The following FGD5 variants were observed in gnomAD, a reference collection of about 807,000 sequenced individuals.
FGD5 encodes the protein FYVE, RhoGEF and PH domain containing 5.
In FGD5, 28 loss-of-function variants were observed where a neutral mutation model predicts 133.4. The observed-to-expected ratio is 0.21, with a 90% CI of 0.16 to 0.29. The LOEUF is 0.29. Ranked by LOEUF, FGD5 falls within the 10% of genes least tolerant of loss-of-function variation. The pLI is 1.00. For synonymous variants in FGD5, 810 were observed against 776.5 expected (o/e 1.04, Z -0.72); for missense variants, 1,858 against 1,895.2 (o/e 0.98, Z 0.36).
At chr3:14,867,475 G>A (rs76439817) in intron 2 of FGD5, among the ~76,000 whole-genome samples, 14,174 of 152,168 alleles carry the variant, frequency 0.093, 821 homozygotes, top group East Asian at 0.3. Context: ...CACATAAAAG[G>A]TTTTCTGAAG....
intron 1 of FGD5, among the ~76,000 whole-genome samples, chr3:14,824,174 C>T (rs1295883169): frequency 6.6e-6 from 1 of 152,232 alleles, no homozygotes; most frequent in Non-Finnish European, 1.5e-5. Flanking sequence ...AGCTTTCTTC[C>T]GCTTTCCTAC....
chr3:14,902,568 G>A (rs746322611), intron 9 of FGD5, among the ~76,000 whole-genome samples: 2 of 152,138 alleles, frequency 1.3e-5, no homozygotes, highest in Non-Finnish European at 2.9e-5. Context: ...GAATACACAG[G>A]CCAGTTTCCG....
intron 1 of FGD5, among the ~76,000 whole-genome samples, chr3:14,860,299 T>A (rs2037373160): frequency 1.3e-5 from 2 of 152,362 alleles, no homozygotes; most frequent in South Asian, 2.1e-4. Context: ...TCAGCGGGGC[T>A]TCCTTTAAGT....
intron 11 of FGD5, among the ~76,000 whole-genome samples, chr3:14,913,910 T>G (rs1460943607): frequency 6.6e-6 from 1 of 151,652 alleles, no homozygotes; most frequent in East Asian, 1.9e-4. Context: ...CTCTCCCTCC[T>G]CCTCCTCTAG....
chr3:14,907,721 G>T lies in FGD5; in HGVS notation c.3336+10G>T, dbSNP rs370549261. ...CCTCCAGCCAGGAAGGGTGAGTGCCGCCACCATGGGTAGGGGCAGAGGGTG... is the reference window on the plus strand; with the variant it reads ...CCTCCAGCCAGGAAGGGTGAGTGCCTCCACCATGGGTAGGGGCAGAGGGTG... On this transcript the variant is annotated intron_variant, in intron 10 of 19. Coordinates refer to ENST00000285046, the MANE Select transcript of FGD5 (RefSeq NM_152536.4). The T allele has an allele frequency of 2.1e-5, 34 of 1,612,188 alleles. No homozygotes were observed. The highest frequency in any genetic ancestry group is 2.7e-5 in the Non-Finnish European group (32 of 1,178,804).
In FGD5 at chr3:14,897,582, A is replaced by AAT; in HGVS notation, c.2822_2823insAT (p.Leu942CysfsTer2). On this transcript the variant is annotated frameshift_variant, in exon 5 of 20. Coordinates refer to ENST00000285046, the MANE Select transcript of FGD5 (RefSeq NM_152536.4). LOFTEE classifies it high-confidence loss of function. ...GGCAGAGACACATTGGCCCGGGAGG[A>AAT]GCTGAGGCAGGGCCTGAGTGAACTC... is the stretch of plus-strand genomic sequence containing the variant. 6.2e-7 allele frequency: 1 copy of AAT among 1,604,440 alleles called. No individual in the cohort carries two copies. Among genetic ancestry groups the AAT allele is most frequent in the Admixed American group, 1.7e-5 (1 of 58,488 alleles).
chr3:14,910,346 C>A (rs1308137319), intron 10 of FGD5, among the ~76,000 whole-genome samples: 2 of 152,296 alleles, frequency 1.3e-5, no homozygotes, highest in African/African-American at 4.8e-5. Flanking sequence ...CAAACAAAGA[C>A]AATAACAGGG....
Position 14,842,353 on chromosome 3 carries a change from G to A in FGD5, c.2525+20757G>A, listed in dbSNP as rs146178192. Among the ~76,000 whole-genome samples the A allele has an allele frequency of 4.0e-3, 614 of 152,176 alleles. 3 individuals carry two copies. Among genetic ancestry groups the A allele is most frequent in the African/African-American group, 0.014 (585 of 41,500 alleles). Reference sequence around the variant, plus strand: ...TCACAGAGACCAACCTGGTGCAGGTGTCTAAACCCCCACCGGATCCCCACC... The same window carrying A: ...TCACAGAGACCAACCTGGTGCAGGTATCTAAACCCCCACCGGATCCCCACC... On this transcript the variant is annotated intron_variant, in intron 1 of 19. Transcript: ENST00000285046.
At chr3:14,896,686 G>A (rs968613740) in intron 4 of FGD5, among the ~76,000 whole-genome samples, 1 of 152,082 alleles carries the variant, frequency 6.6e-6, no homozygotes, top group African/African-American at 2.4e-5. Context: ...GGTCAGGCTG[G>A]TCTTGAACTC....
intron 17 of FGD5, among the ~76,000 whole-genome samples, chr3:14,925,473 T>C (rs2038783038): frequency 6.6e-6 from 1 of 152,178 alleles, no homozygotes; most frequent in African/African-American, 2.4e-5. Context: ...AGCAAATTGC[T>C]CATCATTAAC....
chr3:14,932,843 C>CCTTTGGGCCATAGCCCAACTG, intron 19 of FGD5, 112 bp downstream of exon 19: 11 of 1,280,874 alleles, frequency 8.6e-6, no homozygotes, highest in Non-Finnish European at 1.2e-5. Context: ...CCATTAGGTC[C>CCTTTGGGCCATAGCCCAACTG]CTTTGGGCCA....
At chr3:14,825,253 C>A (rs375163348) in intron 1 of FGD5, among the ~76,000 whole-genome samples, 1 of 152,014 alleles carries the variant, frequency 6.6e-6, no homozygotes, top group African/African-American at 2.4e-5. Context: ...AAATTTATTA[C>A]CTATGTCCAT....
At chr3:14,915,474 A>G (rs1340415350) in intron 11 of FGD5, among the ~76,000 whole-genome samples, 4 of 152,164 alleles carry the variant, frequency 2.6e-5, no homozygotes, top group Non-Finnish European at 5.9e-5. Context: ...CTTGGTTCAC[A>G]CTGGTGCCAT....
intron 4 of FGD5, among the ~76,000 whole-genome samples, chr3:14,892,039 T>G (rs2125127593): frequency 6.6e-6 from 1 of 151,986 alleles, no homozygotes; most frequent in South Asian, 2.1e-4. Flanking sequence ...CTCCCTGTCC[T>G]CTTTTCTACC....
At position 14,820,847 on chromosome 3, in the gene FGD5, T is replaced by G. The variant is rs1490875872; in HGVS notation, c.1776T>G (p.Ser592=). ...NLSLSCVIGS[S]GSFSQRNHLP... ...CTCTGTCGTGTGTAATTGGCTCCTC[T>G]GGGAGTTTCTCCCAGAGAAACCACC... Residue 592 remains serine, a synonymous_variant, in exon 1 of 20, where the codon TCT becomes TCG. Coordinates refer to ENST00000285046, the MANE Select transcript of FGD5 (RefSeq NM_152536.4). 1 of 1,613,658 alleles carries G rather than the reference T, an allele frequency of 6.2e-7. No homozygotes were observed. The highest frequency in any genetic ancestry group is 8.5e-7 in the Non-Finnish European group (1 of 1,179,840).
intron 17 of FGD5, among the ~76,000 whole-genome samples, chr3:14,924,462 G>A (rs1020844396): frequency 1.3e-5 from 2 of 152,140 alleles, no homozygotes; most frequent in African/African-American, 4.8e-5. Flanking sequence ...AAATTCCTGT[G>A]TTGGTCCTTC....
intron 17 of FGD5, among the ~76,000 whole-genome samples, chr3:14,925,296 ATCT>A (rs1406483836): frequency 5.3e-5 from 8 of 151,992 alleles, no homozygotes; most frequent in East Asian, 1.9e-4. Flanking sequence ...ACATTCATAG[ATCT>A]TCTTTTTCTA....
intron 5 of FGD5, 29 bp from the exon 6 acceptor site, chr3:14,897,910 C>T: frequency 6.2e-7 from 1 of 1,613,578 alleles, no homozygotes; most frequent in Non-Finnish European, 8.5e-7. Context: ...GCTGAGTTCT[C>T]ACTGTCCCAT....
intron 7 of FGD5, among the ~76,000 whole-genome samples, chr3:14,900,112 C>T (rs1338193579): frequency 1.3e-5 from 2 of 152,202 alleles, no homozygotes; most frequent in Non-Finnish European, 2.9e-5. Flanking sequence ...CCCCAGTGGG[C>T]TGTGATGGAT....
Sources: gnomAD v4.1 joint callset for allele counts (sites outside exome capture counted in the v4.1 genomes callset) on GRCh38, gnomAD v4.1.1 for gene constraint, MANE v1.5 for transcripts, NCBI Gene and HGNC (gene_info 2026-07-23, HGNC 2026-07-21) for gene names.